The following MFAP5 variants were observed in gnomAD, a reference collection of about 807,000 sequenced individuals.
MFAP5 encodes microfibril associated protein 5.
A neutral mutation model predicts 30.1 loss-of-function variants in MFAP5; 19 were observed. The ratio of observed to expected loss-of-function variants is 0.63; its 90% CI spans 0.44 to 0.93. The LOEUF (loss-of-function observed/expected upper bound fraction) is 0.93, where lower values mean the gene tolerates loss of function less well. MFAP5 is among the 40% of genes least tolerant of loss of function. The probability of loss-of-function intolerance (pLI) is 0.00; values close to 1 mark genes in which losing one functional copy is unlikely to be tolerated. For missense variants in MFAP5, 210 were observed against 221.3 expected, an observed-to-expected ratio of 0.95 and a Z score of 0.32; for synonymous variants, 92 against 72.9, an observed-to-expected ratio of 1.26 and a Z score of -1.33.
chr12:8,660,265 T>C (rs1942111896), intron 3 of MFAP5, among the ~76,000 whole-genome samples: 1 of 151,568 alleles, frequency 6.6e-6, no homozygotes, highest in Admixed American at 6.6e-5. Flanking sequence ...CATGGCTCAC[T>C]GCAACCGCAG....
At chr12:8,650,895 G>A (rs746050091) in intron 7 of MFAP5, among the ~76,000 whole-genome samples, 27 of 152,278 alleles carry the variant, frequency 1.8e-4, no homozygotes, top group African/African-American at 5.1e-4. Context: ...GGCTGGGCAC[G>A]GTGGCTCATG....
Position 8,651,666 on chromosome 12 carries a change from A to C in MFAP5, c.243T>G (p.Thr81=), listed in dbSNP as rs1244981129. 1 of 1,613,904 alleles carries C rather than the reference A, an allele frequency of 6.2e-7. No individual in the cohort carries two copies. The highest frequency in any genetic ancestry group is 1.3e-5 in the African/African-American group (1 of 74,948). ...GCATGCAAGCAACAATCATACCTGC[A>C]GTGGTATTTTTTTCACTGAGGGAGG... is the stretch of plus-strand genomic sequence containing the variant. ...DLASLSEKNT[T]AECWDEKFTC... The change falls in exon 7 of 10, where the codon ACT becomes ACG. Residue 81 remains threonine, a synonymous_variant. Coordinates refer to ENST00000359478, the MANE Select transcript of MFAP5 (RefSeq NM_003480.4).
In MFAP5 at chr12:8,648,100, A is replaced by T. The variant is rs758073813; in HGVS notation, c.513T>A (p.Asn171Lys). 10 of 1,611,732 alleles carry T rather than the reference A, an allele frequency of 6.2e-6. No individual in the cohort carries two copies. The Admixed American group carries it at 1.7e-4, about 27-fold the overall frequency. The change falls in exon 10 of 10, where the codon AAT becomes AAA. Residue 171 changes from asparagine to lysine, a missense_variant. Physicochemically the swap from Asn to Lys is moderately conservative, Grantham distance 94. Coordinates refer to ENST00000359478, the MANE Select transcript of MFAP5 (RefSeq NM_003480.4). ...TCCTCTTTTTCAATGATCACAGACC[A>T]TTGGGTCTCTGCAAATCCACATTTT... Reference protein sequence around the residue: ...PCENVDLQRPNGL With the variant: ...PCENVDLQRPKGL
chr12:8,655,358 T>C (rs2136470305), intron 5 of MFAP5, 57 bp downstream of exon 5: 1 of 1,371,514 alleles, frequency 7.3e-7, no homozygotes, highest in Non-Finnish European at 1.0e-6. Flanking sequence ...CTGGAATAAA[T>C]ATTGTGAATA....
At position 8,655,779 on chromosome 12, in the gene MFAP5, A is replaced by G. The variant is rs760702942; in HGVS notation, c.139+7T>C. On this transcript the variant is annotated splice_region_variant and intron_variant, in intron 4 of 9. Coordinates refer to ENST00000359478, the MANE Select transcript of MFAP5 (RefSeq NM_003480.4). ...CAAACAAACAAACAAACAAAAGTGT[A>G]GCTTACTAGGATCTTCTGTGAATGT... is the stretch of plus-strand genomic sequence containing the variant. 1 of 1,609,484 alleles carries G rather than the reference A, an allele frequency of 6.2e-7. No individual in the cohort carries two copies. The highest frequency in any genetic ancestry group is 1.1e-5 in the South Asian group (1 of 91,060).
At chr12:8,657,216 G>C (rs1425590091) in intron 3 of MFAP5, among the ~76,000 whole-genome samples, 1 of 152,070 alleles carries the variant, frequency 6.6e-6, no homozygotes, top group African/African-American at 2.4e-5. Flanking sequence ...TTTTAAAGTA[G>C]AGACCACTGG....
At position 8,646,135 on chromosome 12, in the gene MFAP5, T is replaced by C. The variant is rs192739075; in HGVS notation, c.*1956A>G. 285 of 152,784 alleles carry C rather than the reference T, an allele frequency of 1.9e-3. No homozygotes were observed. The highest frequency in any genetic ancestry group is 3.1e-3 in the Non-Finnish European group (210 of 68,040). 9.5% of individuals were successfully genotyped at this position (152,784 alleles called of 1,614,324 possible). ...GGAAACTCTGTGCCTATGAGGTTTC[T>C]CTAAAGTGGCTAAAATATGCATTTA... On this transcript the variant is annotated 3_prime_UTR_variant, in exon 10 of 10. Coordinates refer to ENST00000359478, the MANE Select transcript of MFAP5 (RefSeq NM_003480.4).
intron 7 of MFAP5, 91 bp downstream of exon 7, chr12:8,651,571 A>G: frequency 8.0e-7 from 1 of 1,250,562 alleles, no homozygotes; most frequent in Non-Finnish European, 1.2e-6. Context: ...GTAAACTAGA[A>G]GATGTGCCAA....
chr12:8,651,521 G>T, intron 7 of MFAP5, 141 bp downstream of exon 7: 1 of 817,990 alleles, frequency 1.2e-6, no homozygotes. Flanking sequence ...AAAGAGTAAG[G>T]GAGTGAAGAA....
At chr12:8,660,984 G>T in intron 2 of MFAP5, 86 bp from the exon 3 acceptor site, 1 of 1,157,078 alleles carries the variant, frequency 8.6e-7, no homozygotes, top group South Asian at 1.3e-5. Flanking sequence ...GAAAATCATG[G>T]AGAAATGGTT....
At chr12:8,658,788 G>A (rs920611994) in intron 3 of MFAP5, among the ~76,000 whole-genome samples, 1 of 151,342 alleles carries the variant, frequency 6.6e-6, no homozygotes, top group African/African-American at 2.4e-5. Context: ...GCTTTATCTA[G>A]TATTCATGAA....
rs1000452078 is a variant in MFAP5 at position 8,647,088 on chromosome 12, G to A, written c.*1003C>T. 2 of 152,142 alleles carry A rather than the reference G, an allele frequency of 1.3e-5. No individual in the cohort carries two copies. The highest frequency in any genetic ancestry group is 2.1e-4 in the South Asian group (1 of 4,830). 9.4% of individuals were successfully genotyped at this position (152,142 alleles called of 1,614,324 possible). A position where few individuals can be genotyped will look rare whatever the true frequency, so the allele number is the denominator to read the frequency against. On this transcript the variant is annotated 3_prime_UTR_variant, in exon 10 of 10. Transcript: ENST00000359478. ...AATATTGTGTTTCTTTCACTCTTTC[G>A]TATTAACTATTAGGCAAACTTTCTG...
rs189915794 is a variant in MFAP5 at position 8,656,773 on chromosome 12, A to G, written c.95-943T>C. Among the ~76,000 whole-genome samples the G allele has an allele frequency of 8.8e-4, 132 of 150,810 alleles. 1 individual carries two copies. Among genetic ancestry groups the G allele is most frequent in the East Asian group, 6.9e-3 (35 of 5,050 alleles). ...AACCTCCGCCTCCCGGGTTCAAGCA[A>G]TTCTCTGCCTCAGCCTCCAGAGTAG... On this transcript the variant is annotated intron_variant, in intron 3 of 9. Transcript: ENST00000359478.
At chr12:8,656,625 TACACACACACAC>T (rs1223209541) in intron 3 of MFAP5, among the ~76,000 whole-genome samples, 2 of 121,312 alleles carry the variant, frequency 1.6e-5, no homozygotes, top group African/African-American at 3.7e-5. Context: ...TATACACACA[TACACACACACAC>T]ACACACACAC....
At chr12:8,662,195 G>T in intron 1 of MFAP5, 89 bp from the exon 2 acceptor site, 1 of 1,044,826 alleles carries the variant, frequency 9.6e-7, no homozygotes, top group Non-Finnish European at 1.4e-6. Context: ...TGAGGTCCCT[G>T]TCTCTTTGTC....
intron 6 of MFAP5, among the ~76,000 whole-genome samples, chr12:8,654,066 C>A (rs966429402): frequency 6.1e-5 from 9 of 146,436 alleles, no homozygotes; most frequent in Non-Finnish European, 1.0e-4. Context: ...GCGGAGGCCG[C>A]AGTGAGCGGA....
intron 2 of MFAP5, among the ~76,000 whole-genome samples, chr12:8,661,528 C>T (rs1385811876): frequency 6.6e-6 from 1 of 151,452 alleles, no homozygotes; most frequent in East Asian, 1.9e-4. Flanking sequence ...ACATTTGGTC[C>T]AGTTTCTTTT....
chr12:8,650,726 G>A (rs1419852976), intron 7 of MFAP5, 137 bp from the exon 8 acceptor site: 2 of 732,524 alleles, frequency 2.7e-6, no homozygotes, highest in Non-Finnish European at 4.5e-6. Flanking sequence ...TATAAATTGG[G>A]CTACATCCTT....
At chr12:8,660,823 T>A in intron 3 of MFAP5, 40 bp downstream of exon 3, 1 of 1,576,408 alleles carries the variant, frequency 6.3e-7, no homozygotes, top group Non-Finnish European at 8.7e-7. Flanking sequence ...ATTTTCCTGA[T>A]AAGAACCCCA....
Sources: allele counts gnomAD v4.1 joint callset (sites outside exome capture counted in the v4.1 genomes callset), GRCh38; gene constraint gnomAD v4.1.1; transcripts MANE v1.5; gene names NCBI Gene and HGNC (gene_info 2026-07-23, HGNC 2026-07-21).